Variants in PAK3 observed in about 807,000 individuals in gnomAD.
PAK3 encodes p21 (RAC1) activated kinase 3, also known as serine/threonine-protein kinase PAK 3.
Under a neutral mutation model 41.0 loss-of-function variants are expected in PAK3, and 4 were observed. The ratio of observed to expected loss-of-function variants is 0.10; its 90% CI spans 0.05 to 0.22. The LOEUF (loss-of-function observed/expected upper bound fraction) is 0.22, where lower values mean the gene tolerates loss of function less well. PAK3 is among the 10% of genes least tolerant of loss of function. PAK3 has a pLI of 1.00. For missense variants in PAK3, 205 were observed against 409.9 expected (o/e 0.50, Z 4.32); for synonymous variants, 146 against 139.6 (o/e 1.05, Z -0.32).
chrX:111,113,351 C>G (rs918243834), intron 4 of PAK3, among the ~76,000 whole-genome samples: 2 of 111,491 alleles, frequency 1.8e-5, no homozygotes, highest in Non-Finnish European at 1.9e-5. Flanking sequence ...TTATTCTTCT[C>G]TCTTTGTATG....
At chrX:111,154,600 C>G (rs1453893670) in intron 8 of PAK3, among the ~76,000 whole-genome samples, 1 of 111,717 alleles carries the variant, frequency 9.0e-6, no homozygotes, top group African/African-American at 3.3e-5. Flanking sequence ...AAAACTCACT[C>G]TCTTCACACA....
At chrX:110,997,718 G>A (rs989029600) in intron 1 of PAK3, among the ~76,000 whole-genome samples, 1 of 111,526 alleles carries the variant, frequency 9.0e-6, no homozygotes, top group African/African-American at 3.3e-5. Flanking sequence ...CTGAAAATTT[G>A]TGTTCTCCCC....
intron 1 of PAK3, among the ~76,000 whole-genome samples, chrX:111,071,694 A>T (rs1214947121): frequency 7.1e-5 from 8 of 112,170 alleles, no homozygotes; most frequent in Non-Finnish European, 1.1e-4. Flanking sequence ...ACATTTCTTG[A>T]ACATGGCTTA....
chrX:110,988,433 T>C (rs1199124558), intron 1 of PAK3, among the ~76,000 whole-genome samples: 2 of 112,413 alleles, frequency 1.8e-5, no homozygotes, highest in Non-Finnish European at 3.8e-5. Flanking sequence ...CATATAATTT[T>C]AAATATAAAG....
intron 1 of PAK3, among the ~76,000 whole-genome samples, chrX:110,992,077 C>G (rs1325971636): frequency 1.8e-5 from 2 of 110,286 alleles, no homozygotes; most frequent in South Asian, 3.9e-4. Flanking sequence ...GAGAGTGAAC[C>G]CTGCAGAGCC....
chrX:111,040,900 A>C (rs923191088), intron 1 of PAK3, among the ~76,000 whole-genome samples: 1 of 111,788 alleles, frequency 8.9e-6, no homozygotes, highest in Non-Finnish European at 1.9e-5. Context: ...ATCCAGTGGT[A>C]GTGAAATGGG....
intron 10 of PAK3, among the ~76,000 whole-genome samples, chrX:111,169,710 A>C (rs767366930): frequency 4.5e-5 from 5 of 111,578 alleles, no homozygotes; most frequent in Non-Finnish European, 7.5e-5. Context: ...TGGAACTCTG[A>C]CTTATTCAGT....
chrX:111,068,553 C>T (rs960706776), intron 1 of PAK3, among the ~76,000 whole-genome samples: 3 of 112,811 alleles, frequency 2.7e-5, no homozygotes, highest in African/African-American at 9.7e-5. Context: ...CTGCCCACCT[C>T]GGCCTCCCAA....
intron 1 of PAK3, among the ~76,000 whole-genome samples, chrX:110,998,400 C>T (rs1254886875): frequency 8.9e-6 from 1 of 112,036 alleles, no homozygotes; most frequent in African/African-American, 3.2e-5. Context: ...GCAGATAGCT[C>T]AAGTAAGATG....
At chrX:111,181,866 C>T (rs1183813605) in intron 11 of PAK3, among the ~76,000 whole-genome samples, 1 of 110,622 alleles carries the variant, frequency 9.0e-6, no homozygotes, top group Non-Finnish European at 1.9e-5. Context: ...TATTTTGGGC[C>T]ACACAAGGTA....
At chrX:111,140,957 C>A (rs180826666) in intron 5 of PAK3, among the ~76,000 whole-genome samples, 2 of 111,932 alleles carry the variant, frequency 1.8e-5, no homozygotes, top group African/African-American at 6.5e-5. Context: ...GTAATTCAGG[C>A]CAAGGCAACA....
intron 16 of PAK3, among the ~76,000 whole-genome samples, chrX:111,204,495 C>G (rs1298298670): frequency 9.0e-6 from 1 of 111,486 alleles, no homozygotes; most frequent in African/African-American, 3.3e-5. Context: ...CATTTGCGCA[C>G]TGAAATGCCC....
At chrX:110,993,880 A>G (rs926268252) in intron 1 of PAK3, among the ~76,000 whole-genome samples, 1 of 111,710 alleles carries the variant, frequency 9.0e-6, no homozygotes, top group African/African-American at 3.3e-5. Flanking sequence ...CTAGATAACT[A>G]TGGTTGACAG....
At chrX:111,129,588 C>G (rs766736315) in intron 5 of PAK3, among the ~76,000 whole-genome samples, 1 of 111,485 alleles carries the variant, frequency 9.0e-6, no homozygotes, top group African/African-American at 3.3e-5. Flanking sequence ...TCCCTATCTA[C>G]CAGGGTCTGT....
At position 111,173,021 on chromosome X, in the gene PAK3, G is replaced by A; in HGVS notation, c.770G>A (p.Ser257Asn). Residue 257 changes from serine to asparagine, a missense_variant, in exon 11 of 18, where the codon AGC becomes AAC. By Grantham distance (46) the Ser-to-Asn change is conservative. This residue lies in a region of PAK3 where 75 missense variants were observed against 91.9 expected (regional missense o/e 0.82). Coordinates refer to ENST00000372007, the MANE Select transcript of PAK3 (RefSeq NM_002578.5). Reference protein sequence around the residue: ...TDEEILEKLRSIVSVGDPKKK... With the variant: ...TDEEILEKLRNIVSVGDPKKK... ...TCTCTCCCCACCCATCTCTTAGGAAGCATTGTGAGTGTTGGGGACCCAAAG... is the reference window on the plus strand; with the variant it reads ...TCTCTCCCCACCCATCTCTTAGGAAACATTGTGAGTGTTGGGGACCCAAAG... 9.0e-7 allele frequency: 1 copy of A among 1,106,612 alleles called. No homozygotes were observed. Among genetic ancestry groups the A allele is most frequent in the South Asian group, 1.8e-5 (1 of 54,237 alleles). 91.2% of individuals were successfully genotyped at this position (1,106,612 alleles called of 1,213,427 possible).
At chrX:110,949,770 G>C (rs2090702701) in intron 1 of PAK3, among the ~76,000 whole-genome samples, 1 of 111,363 alleles carries the variant, frequency 9.0e-6, no homozygotes, top group Non-Finnish European at 1.9e-5. Context: ...AAATAGAAAA[G>C]GAATTGAAGT....
At chrX:111,016,983 T>C (rs2092102010) in intron 1 of PAK3, among the ~76,000 whole-genome samples, 1 of 111,431 alleles carries the variant, frequency 9.0e-6, no homozygotes, top group Non-Finnish European at 1.9e-5. Context: ...GTCCCTGCTT[T>C]GGGCTGGAAA....
chrX:111,019,175 A>G lies in PAK3; in HGVS notation c.-28+74547A>G, dbSNP rs769989232. ...AAACATAGGGGAAAATCTTCGTGAC[A>G]TTGGATTTGGCAATGATTTATTGTA... On this transcript the variant is annotated intron_variant, in intron 1 of 14. Transcript: ENST00000425146. Among the ~76,000 whole-genome samples the G allele has an allele frequency of 3.6e-5, 4 of 111,734 alleles. No individual in the cohort carries two copies. In the South Asian group the frequency reaches 1.5e-3, roughly 43 times the overall value.
At chrX:110,990,844 G>C (rs1314391517) in intron 1 of PAK3, among the ~76,000 whole-genome samples, 1 of 110,566 alleles carries the variant, frequency 9.0e-6, no homozygotes, top group Non-Finnish European at 1.9e-5. Context: ...AAGTCAAGGT[G>C]GGGCCAGGCA....
Sources: allele counts gnomAD v4.1 joint callset (sites outside exome capture counted in the v4.1 genomes callset), GRCh38; gene constraint gnomAD v4.1.1; regional missense constraint gnomAD v4.1.1; transcripts MANE v1.5; gene names NCBI Gene and HGNC (gene_info 2026-07-23, HGNC 2026-07-21).